The following CR1 variants were observed in gnomAD, a reference collection of about 807,000 sequenced individuals.
CR1 encodes the protein complement C3b/C4b receptor 1 (Knops blood group).
A neutral mutation model predicts 187.3 loss-of-function variants in CR1; 116 were observed. The ratio of observed to expected loss-of-function variants is 0.62; its 90% CI spans 0.53 to 0.72. The LOEUF is 0.72. Ranked by LOEUF, CR1 falls within the 30% of genes least tolerant of loss-of-function variation. The pLI is 0.00. For synonymous variants in CR1, 576 were observed against 747.1 expected (o/e 0.77, Z 3.73); for missense variants, 1,731 against 2,110.7 (o/e 0.82, Z 3.52).
rs115988205 is a variant in CR1 at position 207,607,240 on chromosome 1, C to A, written c.5811-11C>A. ...GTGTAGCGTATAACCATTTTCTATC[C>A]TTTGCTTTAGGTTTCGACTCATTGG... On this transcript the variant is annotated splice_polypyrimidine_tract_variant and intron_variant, in intron 35 of 46. Coordinates refer to ENST00000367049, the MANE Select transcript of CR1 (RefSeq NM_000651.6). 11,930 of 1,605,718 alleles carry A rather than the reference C, an allele frequency of 7.4e-3. 63 individuals are homozygous for A. The highest frequency in any genetic ancestry group is 9.0e-3 in the Admixed American group (542 of 59,954).
Position 207,523,627 on chromosome 1 carries a change from AC to A in CR1, c.510del (p.Thr171ProfsTer21). The part of the protein sequence containing the change: ...PICDRIPCGL[P>X]PTITNGDFIS... ...TTTTTCCAGGAATTCCTTGTGGGCTACCCCCCACCATCACCAATGGAGATTT... is the reference window on the plus strand; with the variant it reads ...TTTTTCCAGGAATTCCTTGTGGGCTACCCCCACCATCACCAATGGAGATTT... On this transcript the variant is annotated frameshift_variant, in exon 5 of 47. Coordinates refer to ENST00000367049, the MANE Select transcript of CR1 (RefSeq NM_000651.6). LOFTEE classifies it high-confidence loss of function. 1 of 1,613,830 alleles carries A rather than the reference AC, an allele frequency of 6.2e-7. No individual in the cohort carries two copies. The highest frequency in any genetic ancestry group is 8.5e-7 in the Non-Finnish European group (1 of 1,179,868).
intron 42 of CR1, among the ~76,000 whole-genome samples, chr1:207,619,376 C>CAAAAAAAAAAA (rs67078800): frequency 1.8e-4 from 17 of 92,576 alleles, no homozygotes; most frequent in Non-Finnish European, 2.6e-4. Context: ...CAGTGAGACT[C>CAAAAAAAAAAA]AAAAAAAAAA....
rs1351179146 is a variant in CR1 at position 207,640,645 on chromosome 1, T to G, written c.*1236T>G. 6.6e-6 allele frequency: 1 copy of G among 152,214 alleles called. No individual in the cohort carries two copies. The highest frequency in any genetic ancestry group is 1.9e-4 in the East Asian group (1 of 5,200). 9.4% of individuals were successfully genotyped at this position (152,214 alleles called of 1,614,324 possible). On this transcript the variant is annotated 3_prime_UTR_variant, in exon 47 of 47. Transcript: ENST00000367049. ...TAAACGTGTTCTGATATTTTTAAAA[T>G]AAGTGACCTTGTGTTCTTTAACCAG...
intron 29 of CR1, among the ~76,000 whole-genome samples, chr1:207,579,301 A>G (rs1001226382): frequency 6.6e-6 from 1 of 152,194 alleles, no homozygotes; most frequent in African/African-American, 2.4e-5. Context: ...ATAGGGACAG[A>G]GAAGGAGCTT....
At chr1:207,579,766 G>A (rs895541015) in intron 29 of CR1, among the ~76,000 whole-genome samples, 1 of 152,200 alleles carries the variant, frequency 6.6e-6, no homozygotes, top group Non-Finnish European at 1.5e-5. Flanking sequence ...TCTGCAAGAA[G>A]CAGTGCCTTT....
rs1183409768 is a variant in CR1 at position 207,630,391 on chromosome 1, T to C, written c.7353-126T>C. ...GGTTATGATTTTCCTTTCAGACGTC[T>C]TGCAAAGATATCAGGAACTTAAGGC... On this transcript the variant is annotated intron_variant, in intron 45 of 46. Coordinates refer to ENST00000367049, the MANE Select transcript of CR1 (RefSeq NM_000651.6). 3 of 585,586 alleles carry C rather than the reference T, an allele frequency of 5.1e-6. No individual in the cohort carries two copies. The East Asian group carries it at 9.1e-5, about 18-fold the overall frequency. 36.3% of individuals were successfully genotyped at this position (585,586 alleles called of 1,614,324 possible). A position where few individuals can be genotyped will look rare whatever the true frequency, so the allele number is the denominator to read the frequency against.
intron 45 of CR1, among the ~76,000 whole-genome samples, chr1:207,624,678 C>T (rs549566653): frequency 6.6e-5 from 10 of 152,234 alleles, no homozygotes; most frequent in African/African-American, 9.6e-5. Context: ...CTATATTTTA[C>T]GGCTTGACAT....
intron 27 of CR1, among the ~76,000 whole-genome samples, chr1:207,574,700 A>G (rs1043010966): frequency 3.1e-4 from 47 of 152,372 alleles, no homozygotes; most frequent in African/African-American, 1.1e-3. Flanking sequence ...TACATTACAG[A>G]AAAGATGAGT....
At chr1:207,622,492 C>A (rs55935430) in intron 44 of CR1, among the ~76,000 whole-genome samples, 2 of 152,198 alleles carry the variant, frequency 1.3e-5, no homozygotes, top group Non-Finnish European at 2.9e-5. Flanking sequence ...TCCCTTTTTA[C>A]GCATCTGGAC....
At chr1:207,583,169 A>C (rs1661013114) in intron 32 of CR1, among the ~76,000 whole-genome samples, 1 of 152,236 alleles carries the variant, frequency 6.6e-6, no homozygotes, top group Admixed American at 6.5e-5. Flanking sequence ...CAGCCACTGC[A>C]GTAAGAGAAA....
chr1:207,584,499 G>C, intron 32 of CR1, 150 bp from the exon 33 acceptor site: 1 of 924,756 alleles, frequency 1.1e-6, no homozygotes, highest in Non-Finnish European at 1.6e-6. Flanking sequence ...CTTAGCAGAG[G>C]CCTAATACAT....
intron 39 of CR1, among the ~76,000 whole-genome samples, chr1:207,613,099 T>A (rs1661984190): frequency 6.6e-6 from 1 of 152,102 alleles, no homozygotes; most frequent in South Asian, 2.1e-4. Context: ...TGTACCTGCG[T>A]TTGGTGGGTC....
chr1:207,517,600 G>A (rs997839891), intron 4 of CR1, among the ~76,000 whole-genome samples: 1 of 152,010 alleles, frequency 6.6e-6, no homozygotes, highest in African/African-American at 2.4e-5. Flanking sequence ...TTCCTTATAT[G>A]TTTGGAAGAA....
intron 28 of CR1, among the ~76,000 whole-genome samples, chr1:207,576,798 C>A (rs1478383915): frequency 6.6e-6 from 1 of 151,550 alleles, no homozygotes; most frequent in African/African-American, 2.4e-5. Context: ...CCAGCCCGGG[C>A]AGCAGAGCCA....
intron 41 of CR1, among the ~76,000 whole-genome samples, chr1:207,617,541 GT>G (rs1662155222): frequency 2.0e-5 from 2 of 98,542 alleles, no homozygotes; most frequent in African/African-American, 7.7e-5. Context: ...GTGTGTGTAT[GT>G]GTGTATATAT....
intron 24 of CR1, among the ~76,000 whole-genome samples, chr1:207,567,271 T>TC (rs1019628394): frequency 6.7e-6 from 1 of 149,718 alleles, no homozygotes; most frequent in Non-Finnish European, 1.5e-5. Context: ...TGGAGTTTTT[T>TC]TTTTTTTTTT....
At chr1:207,507,018 C>A in intron 3 of CR1, 2 of 497,342 alleles carry the variant, frequency 4.0e-6, no homozygotes, top group South Asian at 5.6e-5. Flanking sequence ...TGCTGGAAAC[C>A]AAGGCAGAGC....
At chr1:207,526,649 T>C (rs1660182386) in intron 5 of CR1, 104 bp from the exon 6 acceptor site, 2 of 1,444,848 alleles carry the variant, frequency 1.4e-6, no homozygotes, top group Non-Finnish European at 1.8e-6. Context: ...ATTCTAACTT[T>C]ATTATTATAT....
intron 35 of CR1, among the ~76,000 whole-genome samples, chr1:207,602,845 T>C (rs1173127982): frequency 6.6e-6 from 1 of 152,036 alleles, no homozygotes; most frequent in Non-Finnish European, 1.5e-5. Context: ...AATTAATTAC[T>C]TTCTTTATGT....
Sources: gnomAD v4.1 joint callset for allele counts (sites outside exome capture counted in the v4.1 genomes callset) on GRCh38, gnomAD v4.1.1 for gene constraint, MANE v1.5 for transcripts, NCBI Gene and HGNC (gene_info 2026-07-23, HGNC 2026-07-21) for gene names.